DERA: variants seen among roughly 807,000 people sequenced by gnomAD.
DERA encodes the protein 2-deoxy-D-ribose 5-phosphate aldolase.
In DERA, 15 loss-of-function variants were observed where a neutral mutation model predicts 41.1. That is an observed-to-expected ratio of 0.37 (90% CI 0.24 to 0.56). The LOEUF is 0.56. Among genes scored for constraint, DERA ranks in the 20% least tolerant of loss-of-function variants. DERA has a pLI of 0.81. For synonymous variants in DERA, 139 were observed against 137.4 expected, an observed-to-expected ratio of 1.01 and a Z score of -0.08; for missense variants, 396 against 403.4, an observed-to-expected ratio of 0.98 and a Z score of 0.16.
At chr12:15,927,266 A>T (rs1192164641) in intron 1 of DERA, among the ~76,000 whole-genome samples, 1 of 152,166 alleles carries the variant, frequency 6.6e-6, no homozygotes, top group Non-Finnish European at 1.5e-5. Flanking sequence ...CAACAATTTT[A>T]TTCCGATTTT....
intron 4 of DERA, among the ~76,000 whole-genome samples, chr12:15,962,180 A>G (rs74065514): frequency 6.6e-6 from 1 of 152,186 alleles, no homozygotes; most frequent in African/African-American, 2.4e-5. Flanking sequence ...CCTCTTATTT[A>G]CACTTGGCTC....
In DERA at chr12:15,941,468, C is replaced by T. The variant is rs529334193; in HGVS notation, c.32-15468C>T. Among the ~76,000 whole-genome samples, 43 of 152,124 alleles carry T rather than the reference C, an allele frequency of 2.8e-4. No homozygotes were observed. The highest frequency in any genetic ancestry group is 1.0e-3 in the African/African-American group (43 of 41,514). On this transcript the variant is annotated intron_variant, in intron 1 of 8. Transcript: ENST00000428559. The surrounding 1 kb of genome is among the most constrained non-coding windows in gnomAD (Gnocchi z 4.5). Reference sequence around the variant, plus strand: ...TGGTGATTTCTGAGATTTTAGTGTACCCATCACCCTAGCAATGTACGCTGT... The same window carrying T: ...TGGTGATTTCTGAGATTTTAGTGTATCCATCACCCTAGCAATGTACGCTGT...
At chr12:15,920,493 G>A (rs1948235011) in intron 1 of DERA, among the ~76,000 whole-genome samples, 1 of 152,088 alleles carries the variant, frequency 6.6e-6, no homozygotes, top group Non-Finnish European at 1.5e-5. Context: ...CACCTAAGAC[G>A]CTTGTTAAAA....
In DERA at chr12:16,036,382, G is replaced by A. The variant is rs371991439; in HGVS notation, c.900+1G>A. 5 of 1,591,304 alleles carry A rather than the reference G, an allele frequency of 3.1e-6. No homozygotes were observed. The highest frequency in any genetic ancestry group is 1.2e-5 in the South Asian group (1 of 86,858). Reference sequence around the variant, plus strand: ...TCTGCTCTCGGACATTGAGAGGCAGGTGAGTAATCATCTCTGTCTTTGGAA... The same window carrying A: ...TCTGCTCTCGGACATTGAGAGGCAGATGAGTAATCATCTCTGTCTTTGGAA... On this transcript the variant is annotated splice_donor_variant, in intron 8 of 8. Transcript: ENST00000428559. LOFTEE classifies it high-confidence loss of function. The surrounding 1 kb of genome is among the most constrained non-coding windows in gnomAD (Gnocchi z 4.9).
rs1216388115 is a variant in DERA, at chr12:15,984,508, C to T, written c.637+2072C>T. 6.6e-6 allele frequency among the ~76,000 whole-genome samples: 1 copy of T among 152,162 alleles called. No homozygotes were observed. The highest frequency in any genetic ancestry group is 1.5e-5 in the Non-Finnish European group (1 of 68,032). ...AAAACCGTATTCATGGTGTGCTTTA[C>T]CAGGTACATTGAAACAATATTCCTT... On this transcript the variant is annotated intron_variant, in intron 6 of 8. Transcript: ENST00000428559. The surrounding 1 kb of genome is among the most constrained non-coding windows in gnomAD (Gnocchi z 4.5).
In DERA at chr12:15,941,775, A is replaced by G. The variant is rs1001975840; in HGVS notation, c.32-15161A>G. Among the ~76,000 whole-genome samples the G allele has an allele frequency of 6.6e-6, 1 of 152,170 alleles. No homozygotes were observed. Among genetic ancestry groups the G allele is most frequent in the African/African-American group, 2.4e-5 (1 of 41,430 alleles). On this transcript the variant is annotated intron_variant, in intron 1 of 8. Transcript: ENST00000428559. This position sits in a 1 kb window ranked among gnomAD's most constrained non-coding sequence, Gnocchi z 4.5. ...ATTTTCTTTATCCACTTATTGATTC[A>G]TGGGCACTTAGGTTGATTCCGTATC... is the stretch of plus-strand genomic sequence containing the variant.
In DERA at chr12:16,020,381, T is replaced by C. The variant is rs984675373; in HGVS notation, c.638-12161T>C. On this transcript the variant is annotated intron_variant, in intron 6 of 8. Transcript: ENST00000428559. The surrounding 1 kb of genome is among the most constrained non-coding windows in gnomAD (Gnocchi z 5.5). ...CGAAAGGGGAAATCTACCCCCATGA[T>C]CCAATCTCTTCCTACCAGAGACACC... 1.3e-5 allele frequency among the ~76,000 whole-genome samples: 2 copies of C among 152,118 alleles called. No individual in the cohort carries two copies. Among genetic ancestry groups the C allele is most frequent in the Admixed American group, 1.3e-4 (2 of 15,272 alleles).
In DERA at chr12:15,936,959, C is replaced by CTTGTCCTGTCCCGTCCCGT. The variant is rs1948372658; in HGVS notation, c.32-19977_32-19976insTTGTCCTGTCCCGTCCCGT. Among the ~76,000 whole-genome samples the CTTGTCCTGTCCCGTCCCGT allele has an allele frequency of 4.4e-4, 62 of 139,832 alleles. 1 individual carries two copies. Among genetic ancestry groups the CTTGTCCTGTCCCGTCCCGT allele is most frequent in the African/African-American group, 1.8e-3 (62 of 33,516 alleles). 91.7% of individuals were successfully genotyped at this position (139,832 alleles called of 152,430 possible). On this transcript the variant is annotated intron_variant, in intron 1 of 8. Transcript: ENST00000428559. The surrounding 1 kb of genome is among the most constrained non-coding windows in gnomAD (Gnocchi z 4.6). ...TCTTGTCCTGTCCCGTCCTGTCCTG[C>CTTGTCCTGTCCCGTCCCGT]CCTGCCCTGCCCTGTCTTGTCTTTC...
intron 4 of DERA, among the ~76,000 whole-genome samples, chr12:15,960,673 G>A (rs1948580855): frequency 7.3e-6 from 1 of 137,076 alleles, no homozygotes; most frequent in South Asian, 2.4e-4. Flanking sequence ...ACAACGATAT[G>A]TGCAAAATGT....
chr12:15,987,870 A>G (rs1360166951), intron 6 of DERA, among the ~76,000 whole-genome samples: 1 of 152,096 alleles, frequency 6.6e-6, no homozygotes, highest in Non-Finnish European at 1.5e-5. Flanking sequence ...TGGGTCGCAC[A>G]GCTGCCAAGG....
intron 1 of DERA, among the ~76,000 whole-genome samples, chr12:15,955,520 A>G (rs1011159815): frequency 4.6e-5 from 7 of 152,280 alleles, no homozygotes; most frequent in East Asian, 1.9e-4. Context: ...AAAACATACA[A>G]TATCTTTGAG....
At position 16,036,639 on chromosome 12, in the gene DERA, A is replaced by G. The variant is rs901518217; in HGVS notation, c.901-51A>G. ...TATTTGATAGTATAATTATTAACTG[A>G]TGTGTATAATTATAGAATGATTGTT... On this transcript the variant is annotated intron_variant, in intron 8 of 8. Coordinates refer to ENST00000428559, the MANE Select transcript of DERA (RefSeq NM_015954.4). The surrounding 1 kb of genome is among the most constrained non-coding windows in gnomAD (Gnocchi z 4.9). The G allele has an allele frequency of 8.1e-5, 101 of 1,253,476 alleles. No homozygotes were observed. The Admixed American group carries it at 1.1e-3, about 14-fold the overall frequency. 77.6% of individuals were successfully genotyped at this position (1,253,476 alleles called of 1,614,324 possible). A position where few individuals can be genotyped will look rare whatever the true frequency, so the allele number is the denominator to read the frequency against.
rs1484528168 is a variant in DERA, at chr12:15,922,819, CT to C, written c.31+11408del. Among the ~76,000 whole-genome samples the C allele has an allele frequency of 6.6e-6, 1 of 152,060 alleles. No homozygotes were observed. Among genetic ancestry groups the C allele is most frequent in the Non-Finnish European group, 1.5e-5 (1 of 68,022 alleles). On this transcript the variant is annotated intron_variant, in intron 1 of 8. Transcript: ENST00000428559. This position sits in a 1 kb window ranked among gnomAD's most constrained non-coding sequence, Gnocchi z 4.9. ...AGGGGCTTCAGTACATTGGCTTGTA[CT>C]TTCCAAGTCTGTAAAACAGACACAC...
chr12:15,986,249 G>A (rs1256826210), intron 6 of DERA, among the ~76,000 whole-genome samples: 3 of 152,022 alleles, frequency 2.0e-5, no homozygotes, highest in Admixed American at 2.0e-4. Flanking sequence ...TATTTAAAAT[G>A]TATCTCTTGT....
At position 15,954,833 on chromosome 12, in the gene DERA, T is replaced by G. The variant is rs952870225; in HGVS notation, c.32-2103T>G. Among the ~76,000 whole-genome samples the G allele has an allele frequency of 6.6e-6, 1 of 152,140 alleles. No homozygotes were observed. The highest frequency in any genetic ancestry group is 6.5e-5 in the Admixed American group (1 of 15,280). The stretch of plus-strand genomic sequence containing the variant: ...CCTGTGACCGATAAAGGACAGCCTG[T>G]CAAAGCCTTGCCCCACTGAGTAATA... On this transcript the variant is annotated intron_variant, in intron 1 of 8. Transcript: ENST00000428559. This position sits in a 1 kb window ranked among gnomAD's most constrained non-coding sequence, Gnocchi z 4.0.
In DERA at chr12:16,037,131, C is replaced by T. The variant is rs1949134746; in HGVS notation, c.*385C>T. On this transcript the variant is annotated 3_prime_UTR_variant, in exon 9 of 9. Coordinates refer to ENST00000428559, the MANE Select transcript of DERA (RefSeq NM_015954.4). The surrounding 1 kb of genome is among the most constrained non-coding windows in gnomAD (Gnocchi z 6.7). ...CATCTCGCAAGCGCTGCTGTAACGA[C>T]TTCAGGAGTCACTGATTCAGCACTA... 6.1e-6 allele frequency: 1 copy of T among 163,402 alleles called. No homozygotes were observed. Among genetic ancestry groups the T allele is most frequent in the African/African-American group, 2.4e-5 (1 of 41,684 alleles). The allele number at this position is 163,402 out of a possible 1,614,324, so 10.1% of individuals were successfully genotyped here.
At position 15,935,710 on chromosome 12, in the gene DERA, TC is replaced by T. The variant is rs1432820501; in HGVS notation, c.32-21225del. The stretch of plus-strand genomic sequence containing the variant: ...GAAGCAGGTTGCTACTAGAATCTTT[TC>T]ATATTGGTTTCTATATGTTGTTTGT... On this transcript the variant is annotated intron_variant, in intron 1 of 8. Coordinates refer to ENST00000428559, the MANE Select transcript of DERA (RefSeq NM_015954.4). The surrounding 1 kb of genome is among the most constrained non-coding windows in gnomAD (Gnocchi z 4.8). Among the ~76,000 whole-genome samples the T allele has an allele frequency of 6.6e-6, 1 of 152,230 alleles. No homozygotes were observed. Among genetic ancestry groups the T allele is most frequent in the African/African-American group, 2.4e-5 (1 of 41,458 alleles).
rs190393437 is a variant in DERA at position 15,999,031 on chromosome 12, T to G, written c.637+16595T>G. On this transcript the variant is annotated intron_variant, in intron 6 of 8. Transcript: ENST00000428559. This position sits in a 1 kb window ranked among gnomAD's most constrained non-coding sequence, Gnocchi z 5.3. ...CCTTTCATCTTCAACATATTAGATT[T>G]AGGATTTGAATAGGGAGTTCCCCAA... 3.5e-4 allele frequency among the ~76,000 whole-genome samples: 53 copies of G among 152,302 alleles called. No homozygotes were observed. Among genetic ancestry groups the G allele is most frequent in the Non-Finnish European group, 6.9e-4 (47 of 68,026 alleles).
chr12:15,959,726 C>T lies in DERA; in HGVS notation c.278-103C>T, dbSNP rs1948568520. ...AGTATTGTGGGGGAATTATTTTTTT[C>T]TCATTTGATTTTTGCCAGTGTTGCG... On this transcript the variant is annotated intron_variant, in intron 3 of 8. Transcript: ENST00000428559. The surrounding 1 kb of genome is among the most constrained non-coding windows in gnomAD (Gnocchi z 4.5). 2.5e-5 allele frequency: 17 copies of T among 671,818 alleles called. No homozygotes were observed. The highest frequency in any genetic ancestry group is 5.8e-5 in the Admixed American group (2 of 34,626). The allele number at this position is 671,818 out of a possible 1,614,324, so 41.6% of individuals were successfully genotyped here.
Sources: allele counts gnomAD v4.1 joint callset (sites outside exome capture counted in the v4.1 genomes callset), GRCh38; gene constraint gnomAD v4.1.1; non-coding constraint Gnocchi (gnomAD v3.1); transcripts MANE v1.5; gene names NCBI Gene and HGNC (gene_info 2026-07-23, HGNC 2026-07-21).